Variants in AKAP13 observed in about 807,000 individuals in gnomAD.
The protein encoded by AKAP13 is A-kinase anchor protein 13.
In AKAP13, 80 loss-of-function variants were observed where a neutral mutation model predicts 264.5. That is an observed-to-expected ratio of 0.30 (90% CI 0.25 to 0.36). The LOEUF is 0.36. AKAP13 is among the 10% of genes least tolerant of loss of function. The pLI is 1.00. For missense variants in AKAP13, 3,712 were observed against 3,435.2 expected (o/e 1.08, Z -2.01); for synonymous variants, 1,380 against 1,250.2 (o/e 1.10, Z -2.19).
At chr15:85,487,983 G>C (rs1442862548) in intron 2 of AKAP13, among the ~76,000 whole-genome samples, 3 of 152,184 alleles carry the variant, frequency 2.0e-5, no homozygotes, top group Admixed American at 6.5e-5. Flanking sequence ...CTGTAGCTGC[G>C]ATCTCCCAGG....
chr15:85,744,117 T>C (rs889683664), intron 36 of AKAP13: 6 of 412,036 alleles, frequency 1.5e-5, no homozygotes, highest in Non-Finnish European at 2.2e-5. Context: ...AAGTCCTCCT[T>C]GCCTTTCTGG....
intron 17 of AKAP13, among the ~76,000 whole-genome samples, chr15:85,700,076 A>G (rs1420589356): frequency 2.1e-4 from 32 of 152,196 alleles, no homozygotes; most frequent in Admixed American, 2.1e-3. Flanking sequence ...GCCAGTGTAT[A>G]TTTAGCCTTG....
intron 20 of AKAP13, 26 bp downstream of exon 20, chr15:85,715,949 A>G: frequency 6.2e-7 from 1 of 1,603,758 alleles, no homozygotes; most frequent in East Asian, 2.3e-5. Flanking sequence ...TAAAGATAGC[A>G]CAGTTGGCAT....
chr15:85,736,953 C>G (rs956633651), intron 33 of AKAP13, among the ~76,000 whole-genome samples: 3 of 113,158 alleles, frequency 2.7e-5, no homozygotes, highest in African/African-American at 6.9e-5. Context: ...GGATCTTGCT[C>G]TGTTGTCCAG....
At chr15:85,595,742 C>T (rs934177718) in intron 8 of AKAP13, among the ~76,000 whole-genome samples, 1 of 152,034 alleles carries the variant, frequency 6.6e-6, no homozygotes, top group Non-Finnish European at 1.5e-5. Context: ...TACGCTCAGC[C>T]CTTCGAAGAT....
chr15:85,577,498 A>G (rs2079053877), intron 6 of AKAP13, among the ~76,000 whole-genome samples: 1 of 152,212 alleles, frequency 6.6e-6, no homozygotes, highest in Non-Finnish European at 1.5e-5. Flanking sequence ...TTGCATATTT[A>G]TAAACTTAGA....
intron 1 of AKAP13, among the ~76,000 whole-genome samples, chr15:85,388,334 A>C (rs960705635): frequency 1.9e-4 from 29 of 152,048 alleles, no homozygotes; most frequent in Admixed American, 1.4e-3. Context: ...CGTGAGCTAC[A>C]GCGCTGGGCG....
At chr15:85,567,934 C>T (rs1024817352) in intron 5 of AKAP13, among the ~76,000 whole-genome samples, 2 of 123,636 alleles carry the variant, frequency 1.6e-5, no homozygotes, top group South Asian at 5.2e-4. Flanking sequence ...ATTAAATAGC[C>T]CAAAGAGGTG....
chr15:85,419,665 A>T (rs552058079), intron 1 of AKAP13, among the ~76,000 whole-genome samples: 24 of 152,320 alleles, frequency 1.6e-4, no homozygotes, highest in African/African-American at 5.8e-4. Context: ...ATGGTTAACC[A>T]GTATTTATGT....
chr15:85,639,056 T>C (rs908106966), intron 8 of AKAP13, among the ~76,000 whole-genome samples: 1 of 152,174 alleles, frequency 6.6e-6, no homozygotes, highest in Non-Finnish European at 1.5e-5. Flanking sequence ...ACACCAAATA[T>C]GTATTTTAAT....
At chr15:85,429,822 A>G (rs1480986999) in intron 1 of AKAP13, among the ~76,000 whole-genome samples, 1 of 152,246 alleles carries the variant, frequency 6.6e-6, no homozygotes, top group Non-Finnish European at 1.5e-5. Flanking sequence ...GATTTATGCT[A>G]TCAAGGATAA....
chr15:85,459,606 T>C (rs1407660029), intron 1 of AKAP13, among the ~76,000 whole-genome samples: 1 of 151,994 alleles, frequency 6.6e-6, no homozygotes, highest in Non-Finnish European at 1.5e-5. Context: ...TTCACACCAT[T>C]CTGCTGCCTC....
intron 8 of AKAP13, among the ~76,000 whole-genome samples, chr15:85,586,771 C>CA (rs58729517): frequency 6.6e-6 from 1 of 151,616 alleles, no homozygotes; most frequent in Non-Finnish European, 1.5e-5. Context: ...ACTAAAAATA[C>CA]AAAAAAATTA....
chr15:85,504,042 ACT>A (rs1478802099), intron 2 of AKAP13, among the ~76,000 whole-genome samples: 5 of 151,796 alleles, frequency 3.3e-5, no homozygotes, highest in East Asian at 1.9e-4. Context: ...TATTTTGGAG[ACT>A]CTGTGCTTCC....
At position 85,708,965 on chromosome 15, in the gene AKAP13, A is replaced by G. The variant is rs971035870; in HGVS notation, c.5532+879A>G. 5.3e-5 allele frequency among the ~76,000 whole-genome samples: 8 copies of G among 152,234 alleles called. No individual in the cohort carries two copies. Among genetic ancestry groups the G allele is most frequent in the African/African-American group, 7.2e-5 (3 of 41,464 alleles). The stretch of plus-strand genomic sequence containing the variant: ...GAATTTGCATTTCTAGTAAGTTCCC[A>G]GATGATGCTGATAGTCCGAGGACCT... On this transcript the variant is annotated intron_variant, in intron 18 of 36. Coordinates refer to ENST00000394518, the MANE Select transcript of AKAP13 (RefSeq NM_007200.5). The surrounding 1 kb of genome is among the most constrained non-coding windows in gnomAD (Gnocchi z 4.3).
intron 1 of AKAP13, among the ~76,000 whole-genome samples, chr15:85,393,836 T>C (rs1454520512): frequency 1.2e-4 from 18 of 152,250 alleles, no homozygotes; most frequent in Non-Finnish European, 2.1e-4. Context: ...GATGTAATTA[T>C]ATCCAAAGTA....
Position 85,684,891 on chromosome 15 carries a change from C to T in AKAP13, c.5289+18C>T, listed in dbSNP as rs187549107. The T allele has an allele frequency of 4.3e-6, 7 of 1,612,080 alleles. No homozygotes were observed. Among genetic ancestry groups the T allele is most frequent in the East Asian group, 2.2e-5 (1 of 44,852 alleles). Reference sequence around the variant, plus strand: ...AGAGCAAAGTGAGTATCACTGTGGGCATTGCTTGTGATCACCTCAGTAGGA... The same window carrying T: ...AGAGCAAAGTGAGTATCACTGTGGGTATTGCTTGTGATCACCTCAGTAGGA... On this transcript the variant is annotated intron_variant, in intron 16 of 36. Coordinates refer to ENST00000394518, the MANE Select transcript of AKAP13 (RefSeq NM_007200.5).
At chr15:85,642,763 C>T (rs2082368565) in intron 9 of AKAP13, among the ~76,000 whole-genome samples, 1 of 152,094 alleles carries the variant, frequency 6.6e-6, no homozygotes, top group South Asian at 2.1e-4. Context: ...CTGGATCTTC[C>T]CCATGAATTT....
intron 1 of AKAP13, among the ~76,000 whole-genome samples, chr15:85,466,287 C>T (rs1461455816): frequency 1.3e-5 from 2 of 151,956 alleles, no homozygotes; most frequent in Non-Finnish European, 2.9e-5. Context: ...TGAAAATTTT[C>T]TCCCATTTTG....
Sources: gnomAD v4.1 joint callset for allele counts (sites outside exome capture counted in the v4.1 genomes callset) on GRCh38, gnomAD v4.1.1 for gene constraint, Gnocchi (gnomAD v3.1) non-coding constraint, MANE v1.5 for transcripts, NCBI Gene and HGNC (gene_info 2026-07-23, HGNC 2026-07-21) for gene names.